Variants in ZNF438 observed in about 807,000 individuals in gnomAD.
The protein encoded by ZNF438 is zinc finger protein 438.
A neutral mutation model predicts 38.0 loss-of-function variants in ZNF438; 25 were observed. That is an observed-to-expected ratio of 0.66 (90% CI 0.48 to 0.92). The LOEUF (loss-of-function observed/expected upper bound fraction) is 0.92. Among genes scored for constraint, ZNF438 ranks in the 40% least tolerant of loss-of-function variants. ZNF438 has a pLI of 0.00. For synonymous variants in ZNF438, 372 were observed against 364.1 expected, an observed-to-expected ratio of 1.02 and a Z score of -0.25; for missense variants, 1,007 against 999.6, an observed-to-expected ratio of 1.01 and a Z score of -0.10.
intron 1 of ZNF438, among the ~76,000 whole-genome samples, chr10:31,001,933 G>A (rs1161324446): frequency 6.6e-6 from 1 of 152,218 alleles, no homozygotes; most frequent in Non-Finnish European, 1.5e-5. Context: ...AAATCAGAGT[G>A]CTCATTGGCA....
At chr10:31,026,865 G>C (rs1030684632) in intron 1 of ZNF438, among the ~76,000 whole-genome samples, 30 of 152,134 alleles carry the variant, frequency 2.0e-4, no homozygotes, top group African/African-American at 7.2e-4. Context: ...TGATAGACTG[G>C]ATTAAGAAAA....
chr10:30,969,321 A>T (rs1039959153), intron 1 of ZNF438, among the ~76,000 whole-genome samples: 1 of 152,218 alleles, frequency 6.6e-6, no homozygotes, highest in African/African-American at 2.4e-5. Context: ...CCAACAGCCT[A>T]TACCCACAGT....
intron 3 of ZNF438, among the ~76,000 whole-genome samples, chr10:30,884,250 T>A (rs1767860967): frequency 6.6e-6 from 1 of 152,138 alleles, no homozygotes; most frequent in Non-Finnish European, 1.5e-5. Flanking sequence ...CTGCATTTAA[T>A]TCTATTATAA....
chr10:30,926,543 G>A (rs2044948025), intron 2 of ZNF438, among the ~76,000 whole-genome samples: 1 of 151,984 alleles, frequency 6.6e-6, no homozygotes, highest in Non-Finnish European at 1.5e-5. Context: ...GCGGGTGCCT[G>A]TAGTTCCAGC....
At chr10:30,987,048 A>C (rs2994647) in intron 1 of ZNF438, among the ~76,000 whole-genome samples, 96,138 of 151,924 alleles carry the variant, frequency 0.63, 30,879 homozygotes, top group African/African-American at 0.73. Flanking sequence ...CAAAACTGCA[A>C]TATATTACCA....
At chr10:30,967,418 A>G (rs1261523217) in intron 1 of ZNF438, among the ~76,000 whole-genome samples, 1 of 152,234 alleles carries the variant, frequency 6.6e-6, no homozygotes. Flanking sequence ...ATCTACTGAT[A>G]AGTAGGCTAA....
rs1212847423 is a variant in ZNF438 at position 30,971,518 on chromosome 10, A to C, written c.-191-29867T>G. Among the ~76,000 whole-genome samples, 6 of 152,332 alleles carry C rather than the reference A, an allele frequency of 3.9e-5. No homozygotes were observed. The East Asian group carries it at 1.2e-3, about 29-fold the overall frequency. On this transcript the variant is annotated intron_variant, in intron 1 of 5. Coordinates refer to ENST00000413025, the Ensembl canonical transcript of ZNF438. ...GGTAGTCAAATGGAACTTTAGCCTG[A>C]CATAAATGCTTTTTGTTTTTTAACA...
At chr10:30,887,068 A>C (rs904076989) in intron 3 of ZNF438, among the ~76,000 whole-genome samples, 9 of 152,184 alleles carry the variant, frequency 5.9e-5, no homozygotes, top group African/African-American at 2.2e-4. Flanking sequence ...TACGCAAACC[A>C]ACCAATCCAA....
At chr10:30,948,222 A>G (rs1310011750) in intron 1 of ZNF438, among the ~76,000 whole-genome samples, 1 of 152,216 alleles carries the variant, frequency 6.6e-6, no homozygotes, top group Non-Finnish European at 1.5e-5. Flanking sequence ...ACAAACAGAA[A>G]AGACATCCCC....
chr10:30,867,056 C>T (rs1415980603), intron 4 of ZNF438, among the ~76,000 whole-genome samples: 1 of 152,112 alleles, frequency 6.6e-6, no homozygotes, highest in African/African-American at 2.4e-5. Context: ...TCAAATTTCA[C>T]AGTACAATTA....
intron 2 of ZNF438, among the ~76,000 whole-genome samples, chr10:30,922,799 C>A (rs2044461521): frequency 2.0e-5 from 3 of 150,848 alleles, no homozygotes; most frequent in Non-Finnish European, 1.5e-5. Flanking sequence ...TGTGCCACTG[C>A]ACTCCAGCCT....
intron 4 of ZNF438, among the ~76,000 whole-genome samples, chr10:30,862,657 C>T (rs1192544097): frequency 6.6e-6 from 1 of 152,144 alleles, no homozygotes; most frequent in East Asian, 1.9e-4. Context: ...TGATGACTAA[C>T]AAGATGACAG....
intron 1 of ZNF438, among the ~76,000 whole-genome samples, chr10:30,979,774 C>T (rs910607273): frequency 2.6e-5 from 4 of 152,284 alleles, no homozygotes; most frequent in East Asian, 3.9e-4. Context: ...CTCTTTGTAG[C>T]ACTCTTTAAA....
intron 1 of ZNF438, among the ~76,000 whole-genome samples, chr10:30,958,492 T>C (rs909425762): frequency 2.7e-5 from 4 of 146,982 alleles, no homozygotes; most frequent in African/African-American, 4.9e-5. Flanking sequence ...TTATAAGATA[T>C]AATGTGTGTC....
At chr10:30,961,892 G>GA (rs947031672) in intron 1 of ZNF438, among the ~76,000 whole-genome samples, 1,877 of 67,040 alleles carry the variant, frequency 0.028, 60 homozygotes, top group African/African-American at 0.08. Context: ...CATCCCAAAA[G>GA]AAAAAAAAAA....
At chr10:30,932,385 G>A (rs9645514) in intron 2 of ZNF438, among the ~76,000 whole-genome samples, 61,582 of 151,948 alleles carry the variant, frequency 0.41, 12,686 homozygotes, top group Admixed American at 0.44. Context: ...ATGAATAAGA[G>A]CTAATAATAA....
intron 1 of ZNF438, among the ~76,000 whole-genome samples, chr10:30,961,944 C>T (rs959419759): frequency 7.0e-6 from 1 of 143,178 alleles, no homozygotes; most frequent in Non-Finnish European, 1.6e-5. Context: ...AAACAAAATG[C>T]GTTTAAAACT....
intron 2 of ZNF438, among the ~76,000 whole-genome samples, chr10:30,930,851 T>TAAAA (rs5784228): frequency 7.7e-6 from 1 of 129,186 alleles, no homozygotes; most frequent in South Asian, 2.6e-4. Context: ...GGTTCTTTCC[T>TAAAA]AAAACCAGAA....
intron 1 of ZNF438, among the ~76,000 whole-genome samples, chr10:30,975,466 T>C (rs1460891209): frequency 6.6e-6 from 1 of 152,218 alleles, no homozygotes; most frequent in African/African-American, 2.4e-5. Context: ...CAGGGACATC[T>C]TAGGACACAA....
Sources: allele counts gnomAD v4.1 joint callset (sites outside exome capture counted in the v4.1 genomes callset), GRCh38; gene constraint gnomAD v4.1.1; transcripts MANE v1.5; gene names NCBI Gene and HGNC (gene_info 2026-07-23, HGNC 2026-07-21).